Variants in ENTREP2 observed in about 807,000 individuals in gnomAD.
The protein encoded by ENTREP2 is endosomal transmembrane epsin interactor 2.
the ENTREP2 span, among the ~76,000 whole-genome samples, chr15:29,556,768 C>G: frequency 2.6e-5 from 3 of 115,016 alleles, no homozygotes; most frequent in Non-Finnish European, 4.0e-5. Flanking sequence ...AGGTGCCCCC[C>G]CCCCGCCCCA....
chr15:29,353,282 A>T, the ENTREP2 span, among the ~76,000 whole-genome samples: 4 of 152,130 alleles, frequency 2.6e-5, no homozygotes, highest in African/African-American at 9.7e-5. Flanking sequence ...TCCAGAAAAA[A>T]AGATGGGACT....
At chr15:29,174,697 CAAAACAAAACAACA>C in the ENTREP2 span, among the ~76,000 whole-genome samples, 38 of 106,040 alleles carry the variant, frequency 3.6e-4, 3 homozygotes, top group African/African-American at 2.0e-3. Context: ...CTAAACAAAA[CAAAACAAAACAACA>C]AAAAAAAAAA....
the ENTREP2 span, among the ~76,000 whole-genome samples, chr15:29,496,227 G>A: frequency 6.6e-6 from 1 of 151,746 alleles, no homozygotes; most frequent in Non-Finnish European, 1.5e-5. Flanking sequence ...TTAGTGTACA[G>A]AAACACAACT....
the ENTREP2 span, among the ~76,000 whole-genome samples, chr15:29,424,919 A>G: frequency 6.6e-6 from 1 of 152,188 alleles, no homozygotes; most frequent in African/African-American, 2.4e-5. Flanking sequence ...TTCTAATTCT[A>G]CTGACACAGT....
At chr15:29,332,873 C>T in the ENTREP2 span, among the ~76,000 whole-genome samples, 9 of 150,868 alleles carry the variant, frequency 6.0e-5, no homozygotes, top group Middle Eastern at 3.4e-3. Flanking sequence ...GCAGCAGAAT[C>T]GCTTGAACCC....
At chr15:29,646,961 G>A in the ENTREP2 span, among the ~76,000 whole-genome samples, 2 of 152,120 alleles carry the variant, frequency 1.3e-5, no homozygotes, top group Non-Finnish European at 2.9e-5. Flanking sequence ...ACCATATGAG[G>A]ACCAACAGAA....
chr15:29,570,815 G>A, the ENTREP2 span: 3 of 450,582 alleles, frequency 6.7e-6, no homozygotes, highest in African/African-American at 4.3e-5. Flanking sequence ...AAGTTGCGCC[G>A]GGTGCAGGGA....
At chr15:29,293,920 A>G in the ENTREP2 span, among the ~76,000 whole-genome samples, 1 of 152,226 alleles carries the variant, frequency 6.6e-6, no homozygotes, top group Non-Finnish European at 1.5e-5. Flanking sequence ...CGCATCCTGC[A>G]GTAACTGTGG....
the ENTREP2 span, among the ~76,000 whole-genome samples, chr15:29,565,107 A>G: frequency 2.6e-5 from 4 of 152,220 alleles, no homozygotes; most frequent in African/African-American, 4.8e-5. Context: ...CTATCTGGCA[A>G]GACATCAAAA....
At chr15:29,414,037 C>T in the ENTREP2 span, among the ~76,000 whole-genome samples, 1 of 152,098 alleles carries the variant, frequency 6.6e-6, no homozygotes, top group African/African-American at 2.4e-5. Context: ...TAGACTCCCA[C>T]ACAATAATAA....
the ENTREP2 span, among the ~76,000 whole-genome samples, chr15:29,395,533 TC>T: frequency 4.3e-5 from 4 of 92,196 alleles, no homozygotes; most frequent in Admixed American, 1.5e-4. Context: ...CTTTTTTCTT[TC>T]TTTTTTTTTT....
the ENTREP2 span, chr15:29,124,565 C>T: frequency 1.3e-6 from 1 of 748,668 alleles, no homozygotes; most frequent in Non-Finnish European, 2.2e-6. Flanking sequence ...CAGTGGGCAG[C>T]CCCCATTCCC....
the ENTREP2 span, among the ~76,000 whole-genome samples, chr15:29,403,598 C>T: frequency 4.6e-5 from 7 of 152,198 alleles, no homozygotes; most frequent in South Asian, 2.1e-4. Flanking sequence ...GTCTGGTAGA[C>T]AAATTGCTCT....
the ENTREP2 span, among the ~76,000 whole-genome samples, chr15:29,128,285 C>T: frequency 3.3e-5 from 5 of 152,276 alleles, no homozygotes; most frequent in South Asian, 4.2e-4. Flanking sequence ...CGGCTCTGCA[C>T]GCGACACCCA....
At chr15:29,621,680 T>C in the ENTREP2 span, among the ~76,000 whole-genome samples, 1 of 142,954 alleles carries the variant, frequency 7.0e-6, no homozygotes, top group South Asian at 2.2e-4. Context: ...GAATGTAAAA[T>C]AGTGCAGGCA....
At chr15:29,158,245 C>T in the ENTREP2 span, among the ~76,000 whole-genome samples, 1 of 152,182 alleles carries the variant, frequency 6.6e-6, no homozygotes, top group Non-Finnish European at 1.5e-5. Context: ...GCCTGCTTTA[C>T]GTCTCATGAA....
At chr15:29,203,856 T>A in the ENTREP2 span, among the ~76,000 whole-genome samples, 1 of 152,132 alleles carries the variant, frequency 6.6e-6, no homozygotes, top group Non-Finnish European at 1.5e-5. Flanking sequence ...TATGATCACA[T>A]CTCTAGGCTA....
chr15:29,132,454 C>G, the ENTREP2 span, among the ~76,000 whole-genome samples: 1 of 152,314 alleles, frequency 6.6e-6, no homozygotes, highest in Middle Eastern at 3.4e-3. Flanking sequence ...AGGCGGGCGC[C>G]CAGGGACAGG....
the ENTREP2 span, among the ~76,000 whole-genome samples, chr15:29,529,940 C>A: frequency 1.3e-5 from 2 of 152,100 alleles, no homozygotes; most frequent in Non-Finnish European, 2.9e-5. Flanking sequence ...ACAAACAGAG[C>A]TAAAATGAAG....
Sources: gnomAD v4.1 joint callset for allele counts (sites outside exome capture counted in the v4.1 genomes callset) on GRCh38, gnomAD v4.1.1 for gene constraint, MANE v1.5 for transcripts, NCBI Gene and HGNC (gene_info 2026-07-23, HGNC 2026-07-21) for gene names.